The following ACTN2 variants were observed in gnomAD, a reference collection of about 807,000 sequenced individuals.
The protein encoded by ACTN2 is actinin alpha 2.
ACTN2 carries 39 observed loss-of-function variants against 113.8 expected under a neutral mutation model. The observed-to-expected ratio is 0.34, with a 90% confidence interval of 0.27 to 0.45. The LOEUF is 0.45. Ranked by LOEUF, ACTN2 falls within the 20% of genes least tolerant of loss-of-function variation. ACTN2 has a pLI of 1.00. For missense variants in ACTN2, 992 were observed against 1,177.9 expected (o/e 0.84, Z 2.31); for synonymous variants, 429 against 444.1 (o/e 0.97, Z 0.43).
At chr1:236,739,155 T>C in intron 9 of ACTN2, 147 bp from the exon 10 acceptor site, 1 of 850,330 alleles carries the variant, frequency 1.2e-6, no homozygotes, top group Admixed American at 2.0e-5. Context: ...AACATCTCGT[T>C]CATGCCTCTG....
At chr1:236,702,132 TA>T (rs201443636) in intron 1 of ACTN2, among the ~76,000 whole-genome samples, 2 of 152,294 alleles carry the variant, frequency 1.3e-5, no homozygotes, top group Admixed American at 6.5e-5. Flanking sequence ...TGTGAAGCTG[TA>T]AAAAAAGTCT....
chr1:236,696,366 T>C (rs1246683524), intron 1 of ACTN2, among the ~76,000 whole-genome samples: 1 of 151,496 alleles, frequency 6.6e-6, no homozygotes, highest in Non-Finnish European at 1.5e-5. Flanking sequence ...CAGTATTTAA[T>C]ATGAAGCTAT....
chr1:236,715,091 A>G (rs565237507), intron 1 of ACTN2, among the ~76,000 whole-genome samples: 1 of 152,204 alleles, frequency 6.6e-6, no homozygotes, highest in Non-Finnish European at 1.5e-5. Context: ...TGGGTAGCCA[A>G]GGAACAAAGG....
chr1:236,741,736 G>A (rs543750221), intron 10 of ACTN2, among the ~76,000 whole-genome samples: 16 of 152,252 alleles, frequency 1.1e-4, no homozygotes, highest in Non-Finnish European at 1.8e-4. Context: ...ACTGCTGACC[G>A]GTTCTTCTTT....
chr1:236,719,777 C>G (rs866137163), intron 3 of ACTN2, among the ~76,000 whole-genome samples: 1 of 148,998 alleles, frequency 6.7e-6, no homozygotes, highest in African/African-American at 2.5e-5. Context: ...GCGGCCTGGG[C>G]GACAGAGTGA....
intron 12 of ACTN2, among the ~76,000 whole-genome samples, chr1:236,746,233 G>C (rs572501521): frequency 2.0e-5 from 3 of 151,656 alleles, no homozygotes; most frequent in African/African-American, 4.8e-5. Flanking sequence ...AAATGGATTT[G>C]GTAGGGTAGG....
chr1:236,712,107 G>A (rs974833875), intron 1 of ACTN2, among the ~76,000 whole-genome samples: 3 of 152,106 alleles, frequency 2.0e-5, no homozygotes, highest in Non-Finnish European at 4.4e-5. Flanking sequence ...TGCATGTTGC[G>A]ATACAAACAA....
intron 10 of ACTN2, 49 bp downstream of exon 10, chr1:236,739,581 C>T (rs1254958121): frequency 4.4e-6 from 7 of 1,598,018 alleles, no homozygotes; most frequent in Non-Finnish European, 4.3e-6. Context: ...AGCCCTCCTT[C>T]TAGCCTAAAG....
intron 8 of ACTN2, 48 bp from the exon 9 acceptor site, chr1:236,737,074 C>A: frequency 1.3e-6 from 2 of 1,483,506 alleles, no homozygotes; most frequent in Non-Finnish European, 1.9e-6. Flanking sequence ...GCTGTGTGTG[C>A]GCATTCCCGT....
At position 236,757,362 on chromosome 1, in the gene ACTN2, G is replaced by A. The variant is rs923353185; in HGVS notation, c.2155-124G>A. On this transcript the variant is annotated intron_variant, in intron 17 of 20. Coordinates refer to ENST00000366578, the MANE Select transcript of ACTN2 (RefSeq NM_001103.4). ...AAGTAGAATTTTTTTTCAAGTGTGG[G>A]GAAGGCTATCATGAGCCCTGCTTAG... 3 of 1,247,786 alleles carry A rather than the reference G, an allele frequency of 2.4e-6. No homozygotes were observed. In the African/African-American group the frequency reaches 4.4e-5, roughly 18 times the overall value. 77.3% of individuals were successfully genotyped at this position (1,247,786 alleles called of 1,614,324 possible).
At chr1:236,712,279 G>T (rs1053832937) in intron 1 of ACTN2, among the ~76,000 whole-genome samples, 1 of 152,154 alleles carries the variant, frequency 6.6e-6, no homozygotes, top group African/African-American at 2.4e-5. Context: ...ACAGGAAATA[G>T]AATAAAAATT....
intron 7 of ACTN2, among the ~76,000 whole-genome samples, chr1:236,731,778 A>G (rs1355956829): frequency 1.3e-5 from 2 of 152,368 alleles, no homozygotes; most frequent in South Asian, 4.1e-4. Flanking sequence ...GCATTCAACC[A>G]TCAGTGTACC....
At chr1:236,735,453 C>T (rs1258792936) in intron 7 of ACTN2, among the ~76,000 whole-genome samples, 182 bp from the exon 8 acceptor site, 9 of 152,170 alleles carry the variant, frequency 5.9e-5, no homozygotes, top group Non-Finnish European at 8.8e-5. Flanking sequence ...ATCCTGTTCA[C>T]GAATCATTTC....
chr1:236,745,722 C>T (rs1659213412), intron 12 of ACTN2, among the ~76,000 whole-genome samples: 1 of 152,158 alleles, frequency 6.6e-6, no homozygotes, highest in Non-Finnish European at 1.5e-5. Context: ...GTCCTTTTCC[C>T]TTGTAATAAA....
intron 1 of ACTN2, among the ~76,000 whole-genome samples, chr1:236,701,728 C>T (rs1657683066): frequency 6.6e-6 from 1 of 152,172 alleles, no homozygotes; most frequent in African/African-American, 2.4e-5. Context: ...TTACCAAAGT[C>T]CTGTCTGTAG....
At chr1:236,751,046 C>T (rs1443210817) in intron 14 of ACTN2, among the ~76,000 whole-genome samples, 1 of 132,050 alleles carries the variant, frequency 7.6e-6, no homozygotes, top group Non-Finnish European at 1.5e-5. Flanking sequence ...GCCATGATTG[C>T]ACCACTGCAC....
intron 1 of ACTN2, among the ~76,000 whole-genome samples, chr1:236,694,909 A>T (rs1323056864): frequency 6.6e-6 from 1 of 151,932 alleles, no homozygotes; most frequent in African/African-American, 2.4e-5. Context: ...TACAAAAAAA[A>T]TTTAAAAATT....
At chr1:236,760,894 C>A in intron 19 of ACTN2, 121 bp from the exon 20 acceptor site, 2 of 1,263,076 alleles carry the variant, frequency 1.6e-6, no homozygotes, top group Non-Finnish European at 2.3e-6. Context: ...AAGGGAAACG[C>A]AGGTAATAAT....
intron 1 of ACTN2, among the ~76,000 whole-genome samples, chr1:236,704,688 G>C (rs181703815): frequency 6.6e-6 from 1 of 152,284 alleles, no homozygotes; most frequent in Admixed American, 6.5e-5. Flanking sequence ...TGGGGGAAAG[G>C]GGTGCATAGC....
Sources: gnomAD v4.1 joint callset for allele counts (sites outside exome capture counted in the v4.1 genomes callset) on GRCh38, gnomAD v4.1.1 for gene constraint, MANE v1.5 for transcripts, NCBI Gene and HGNC (gene_info 2026-07-23, HGNC 2026-07-21) for gene names.